The following BABAM2 variants were observed in gnomAD, a reference collection of about 807,000 sequenced individuals.
BABAM2 encodes BRISC and BRCA1 A complex member 2, also known as BRISC and BRCA1-A complex member 2.
Under a neutral mutation model 54.7 loss-of-function variants are expected in BABAM2, and 31 were observed. That is an observed-to-expected ratio of 0.57 (90% CI 0.43 to 0.77). The LOEUF (loss-of-function observed/expected upper bound fraction) is 0.77, where lower values mean the gene tolerates loss of function less well. Among genes scored for constraint, BABAM2 ranks in the 30% least tolerant of loss-of-function variants. The pLI is 0.00. For missense variants in BABAM2, 364 were observed against 455.8 expected (o/e 0.80, Z 1.83); for synonymous variants, 167 against 162.9 (o/e 1.03, Z -0.19).
At chr2:28,150,476 T>A (rs1013055184) in intron 7 of BABAM2, among the ~76,000 whole-genome samples, 1 of 152,346 alleles carries the variant, frequency 6.6e-6, no homozygotes, top group South Asian at 2.1e-4. Flanking sequence ...CCCTTGTCTT[T>A]CCTCTAAAGA....
intron 4 of BABAM2, among the ~76,000 whole-genome samples, chr2:28,006,062 T>A (rs1296712619): frequency 6.6e-6 from 1 of 152,152 alleles, no homozygotes; most frequent in Non-Finnish European, 1.5e-5. Context: ...GTGATTGTTA[T>A]GTCAAGTCTT....
intron 11 of BABAM2, among the ~76,000 whole-genome samples, chr2:28,316,029 A>G (rs1689523928): frequency 1.3e-5 from 2 of 152,134 alleles, no homozygotes; most frequent in Admixed American, 6.5e-5. Context: ...CAGAGTTAGG[A>G]TTGCCAGATT....
chr2:28,143,200 T>C lies in BABAM2; in HGVS notation c.680+13820T>C, dbSNP rs116832068. 6.8e-3 allele frequency among the ~76,000 whole-genome samples: 1,031 copies of C among 152,108 alleles called. 9 individuals are homozygous for C. Among genetic ancestry groups the C allele is most frequent in the African/African-American group, 0.024 (989 of 41,512 alleles). On this transcript the variant is annotated intron_variant, in intron 7 of 11. Coordinates refer to ENST00000379624, the MANE Select transcript of BABAM2 (RefSeq NM_199191.3). Reference sequence around the variant, plus strand: ...GTATTCAGCCTTCATAAAGGCAACGTGGATGAACCTGGAAGACATTATGCT... The same window carrying C: ...GTATTCAGCCTTCATAAAGGCAACGCGGATGAACCTGGAAGACATTATGCT...
intron 2 of BABAM2, among the ~76,000 whole-genome samples, chr2:27,897,530 A>G (rs903658801): frequency 9.9e-5 from 15 of 152,030 alleles, no homozygotes; most frequent in Admixed American, 9.8e-4. Context: ...ATCAGAAGAC[A>G]GTTTTAACTT....
chr2:28,193,168 C>G (rs1165642749), intron 7 of BABAM2, among the ~76,000 whole-genome samples: 1 of 151,926 alleles, frequency 6.6e-6, no homozygotes, highest in Non-Finnish European at 1.5e-5. Flanking sequence ...AAAACTCTGT[C>G]TCAAAAAAGA....
chr2:28,033,353 A>C (rs1676433150), intron 5 of BABAM2, among the ~76,000 whole-genome samples: 1 of 152,140 alleles, frequency 6.6e-6, no homozygotes, highest in Non-Finnish European at 1.5e-5. Flanking sequence ...ACCCGAAACT[A>C]ATAACTTATA....
intron 3 of BABAM2, among the ~76,000 whole-genome samples, chr2:27,974,589 G>A (rs537263458): frequency 6.6e-6 from 1 of 152,128 alleles, no homozygotes; most frequent in South Asian, 2.1e-4. Flanking sequence ...AGGAATAAAA[G>A]GGAATTTCCT....
chr2:28,060,478 T>TG (rs925909315), intron 6 of BABAM2, among the ~76,000 whole-genome samples: 9 of 151,994 alleles, frequency 5.9e-5, no homozygotes, highest in Non-Finnish European at 1.2e-4. Context: ...TATTCAGTAC[T>TG]GGGGGGGCCT....
chr2:28,031,849 T>A (rs910823286), intron 5 of BABAM2, among the ~76,000 whole-genome samples: 1 of 152,172 alleles, frequency 6.6e-6, no homozygotes, highest in Non-Finnish European at 1.5e-5. Flanking sequence ...TGGGGAAAAC[T>A]TAGGGACATG....
At chr2:28,236,783 ATGG>A (rs1245522671) in intron 7 of BABAM2, among the ~76,000 whole-genome samples, 5 of 152,234 alleles carry the variant, frequency 3.3e-5, no homozygotes, top group African/African-American at 4.8e-5. Context: ...ATACAAGATA[ATGG>A]CCGATAAGCT....
At chr2:28,241,517 GAC>G in intron 9 of BABAM2, 124 bp downstream of exon 9, 2 of 857,886 alleles carry the variant, frequency 2.3e-6, no homozygotes, top group Non-Finnish European at 3.7e-6. Flanking sequence ...TTTTTTTTGA[GAC>G]AGTCTCGCTC....
At chr2:28,253,176 G>C (rs1471119064) in intron 10 of BABAM2, among the ~76,000 whole-genome samples, 1 of 152,142 alleles carries the variant, frequency 6.6e-6, no homozygotes, top group Admixed American at 6.5e-5. Context: ...GGCCAAAGCG[G>C]ATGGATCACC....
chr2:28,092,456 AAAAC>A lies in BABAM2; in HGVS notation c.571-36812_571-36809del, dbSNP rs1400943604. 2.0e-5 allele frequency among the ~76,000 whole-genome samples: 3 copies of A among 152,216 alleles called. No individual in the cohort carries two copies. In the East Asian group the frequency reaches 5.8e-4, roughly 29 times the overall value. ...GGAAAAGTATCTATATATCAACAGA[AAAAC>A]AATACCATTTAAAATAGCATCAAAA... On this transcript the variant is annotated intron_variant, in intron 6 of 11. Coordinates refer to ENST00000379624, the MANE Select transcript of BABAM2 (RefSeq NM_199191.3).
chr2:28,238,718 C>T lies in BABAM2; in HGVS notation c.780+1417C>T, dbSNP rs565546001. ...CTTATTTACATTCTGGGGCTTTGCA[C>T]TGCCTTCAAATCTGTGTCCCAGAAT... On this transcript the variant is annotated intron_variant, in intron 8 of 11. Transcript: ENST00000379624. Among the ~76,000 whole-genome samples, 6 of 152,260 alleles carry T rather than the reference C, an allele frequency of 3.9e-5. No homozygotes were observed. The South Asian group carries it at 1.2e-3, about 32-fold the overall frequency.
At chr2:28,035,511 C>A (rs1676600829) in intron 5 of BABAM2, among the ~76,000 whole-genome samples, 1 of 152,074 alleles carries the variant, frequency 6.6e-6, no homozygotes, top group Admixed American at 6.6e-5. Flanking sequence ...GTGGTGGCTC[C>A]TTTGAAAAGG....
chr2:28,065,461 G>A (rs1352865349), intron 6 of BABAM2, among the ~76,000 whole-genome samples: 1 of 152,014 alleles, frequency 6.6e-6, no homozygotes, highest in Non-Finnish European at 1.5e-5. Flanking sequence ...CCTTAATATC[G>A]CCTCTGTTAT....
chr2:27,965,184 T>C (rs954956226), intron 3 of BABAM2, among the ~76,000 whole-genome samples: 3 of 152,192 alleles, frequency 2.0e-5, no homozygotes, highest in African/African-American at 7.2e-5. Context: ...GGTGATAAAA[T>C]TTCTGGCTGC....
At chr2:28,286,799 A>G (rs1026994776) in intron 10 of BABAM2, among the ~76,000 whole-genome samples, 7 of 152,158 alleles carry the variant, frequency 4.6e-5, no homozygotes, top group Non-Finnish European at 7.3e-5. Context: ...AGTTGAGGGC[A>G]TGCTGACACT....
At chr2:28,140,621 A>C (rs560831131) in intron 7 of BABAM2, among the ~76,000 whole-genome samples, 2 of 152,304 alleles carry the variant, frequency 1.3e-5, no homozygotes, top group South Asian at 4.1e-4. Context: ...ATGAATTCAA[A>C]ATGCCTTTTA....
Sources: allele counts gnomAD v4.1 joint callset (sites outside exome capture counted in the v4.1 genomes callset), GRCh38; gene constraint gnomAD v4.1.1; transcripts MANE v1.5; gene names NCBI Gene and HGNC (gene_info 2026-07-23, HGNC 2026-07-21).